The following MYO5A variants were observed in gnomAD, a reference collection of about 807,000 sequenced individuals.
The protein encoded by MYO5A is unconventional myosin-Va.
Under a neutral mutation model 249.7 loss-of-function variants are expected in MYO5A, and 98 were observed. The observed-to-expected ratio is 0.39, with a 90% CI of 0.33 to 0.46. The LOEUF is 0.46. MYO5A is among the 20% of genes least tolerant of loss of function. MYO5A has a pLI of 0.98. For synonymous variants in MYO5A, 778 were observed against 810.6 expected (o/e 0.96, Z 0.68); for missense variants, 1,696 against 2,308.8 (o/e 0.73, Z 5.44).
chr15:52,390,557 TTTC>T, intron 12 of MYO5A, among the ~76,000 whole-genome samples: 1 of 149,594 alleles, frequency 6.7e-6, no homozygotes. Flanking sequence ...TCTTTTTTTT[TTTC>T]TTTTTTTTTT....
At chr15:52,425,179 T>A (rs894839765) in intron 4 of MYO5A, among the ~76,000 whole-genome samples, 1 of 152,216 alleles carries the variant, frequency 6.6e-6, no homozygotes, top group Non-Finnish European at 1.5e-5. Flanking sequence ...TTAGTTCTAG[T>A]CTATTACTCA....
chr15:52,400,506 T>C (rs944139941), intron 9 of MYO5A, among the ~76,000 whole-genome samples: 1 of 152,234 alleles, frequency 6.6e-6, no homozygotes. Context: ...AAATAATTAA[T>C]TTTTATGGTC....
chr15:52,518,072 A>G (rs1189482457), intron 1 of MYO5A, among the ~76,000 whole-genome samples: 1 of 152,158 alleles, frequency 6.6e-6, no homozygotes, highest in Non-Finnish European at 1.5e-5. Context: ...TTGAAGGCTT[A>G]TCATCTAGTT....
chr15:52,384,821 C>T (rs552592917), intron 14 of MYO5A, among the ~76,000 whole-genome samples: 9 of 152,010 alleles, frequency 5.9e-5, no homozygotes, highest in Admixed American at 1.3e-4. Context: ...AAAACATCAC[C>T]GAAAATCTCA....
At chr15:52,357,312 T>C (rs776338393) in intron 25 of MYO5A, among the ~76,000 whole-genome samples, 13 of 152,124 alleles carry the variant, frequency 8.5e-5, no homozygotes, top group Non-Finnish European at 1.8e-4. Flanking sequence ...AACCTTTCAT[T>C]CTAGAAATGA....
At chr15:52,336,838 T>C (rs2039143683) in intron 33 of MYO5A, among the ~76,000 whole-genome samples, 2 of 152,246 alleles carry the variant, frequency 1.3e-5, no homozygotes, top group African/African-American at 2.4e-5. Context: ...ATCAACTGAA[T>C]GCTTTGTAGA....
chr15:52,462,256 A>T (rs2076267416), intron 1 of MYO5A, among the ~76,000 whole-genome samples: 1 of 147,294 alleles, frequency 6.8e-6, no homozygotes, highest in Admixed American at 6.9e-5. Flanking sequence ...ACAGAGCGAG[A>T]CTCTGTCTCA....
At chr15:52,462,278 A>C (rs1567149342) in intron 1 of MYO5A, among the ~76,000 whole-genome samples, 2 of 149,938 alleles carry the variant, frequency 1.3e-5, no homozygotes, top group Non-Finnish European at 3.0e-5. Context: ...AAAAAAAAAA[A>C]AGGTTTGATC....
rs565879033 is a variant in MYO5A at position 52,423,659 on chromosome 15, G to A, written c.455+2171C>T. ...ATTTTACTGCTGTGGCAGATGTTAT[G>A]GGTATAGATTTATTTATATAAATGG... On this transcript the variant is annotated intron_variant, in intron 4 of 41. Coordinates refer to ENST00000399233, the MANE Select transcript of MYO5A (RefSeq NM_001382347.1). Among the ~76,000 whole-genome samples the A allele has an allele frequency of 3.5e-4, 53 of 152,198 alleles. 2 individuals carry two copies. In the South Asian group the frequency reaches 9.5e-3, roughly 27 times the overall value.
At chr15:52,413,959 A>G (rs914526915) in intron 5 of MYO5A, among the ~76,000 whole-genome samples, 1 of 152,150 alleles carries the variant, frequency 6.6e-6, no homozygotes, top group Non-Finnish European at 1.5e-5. Flanking sequence ...TGTGGTTTGG[A>G]TATAACGTGT....
chr15:52,422,610 T>C (rs558744210), intron 4 of MYO5A, among the ~76,000 whole-genome samples: 2 of 152,350 alleles, frequency 1.3e-5, no homozygotes, highest in Admixed American at 6.5e-5. Flanking sequence ...CCTCCACTAA[T>C]TAAATGATCA....
At chr15:52,460,009 G>T in intron 1 of MYO5A, among the ~76,000 whole-genome samples, 1 of 152,056 alleles carries the variant, frequency 6.6e-6, no homozygotes, top group African/African-American at 2.4e-5. Flanking sequence ...TTCCCAGACG[G>T]GGTCGCGGCC....
intron 1 of MYO5A, among the ~76,000 whole-genome samples, chr15:52,460,207 C>T (rs1298812701): frequency 1.3e-5 from 2 of 152,086 alleles, no homozygotes; most frequent in African/African-American, 2.4e-5. Flanking sequence ...AGACGATGGG[C>T]GGCCAGGCCG....
chr15:52,435,447 T>G (rs1411709547), intron 1 of MYO5A, among the ~76,000 whole-genome samples: 1 of 151,950 alleles, frequency 6.6e-6, no homozygotes, highest in Non-Finnish European at 1.5e-5. Flanking sequence ...CAGCTAATTT[T>G]TTTCTATTTT....
intron 1 of MYO5A, among the ~76,000 whole-genome samples, chr15:52,527,819 T>G (rs576145757): frequency 2.3e-4 from 35 of 152,320 alleles, no homozygotes; most frequent in African/African-American, 8.4e-4. Flanking sequence ...GGACCCTAAA[T>G]GAAAGTTCTG....
intron 27 of MYO5A, among the ~76,000 whole-genome samples, chr15:52,353,370 C>T (rs1392586607): frequency 1.3e-5 from 2 of 152,198 alleles, no homozygotes; most frequent in Non-Finnish European, 2.9e-5. Context: ...CCTTTACTAC[C>T]ACAGCCTCGA....
At position 52,337,806 on chromosome 15, in the gene MYO5A, A is replaced by G. The variant is rs1381996853; in HGVS notation, c.4314+4T>C. 22 of 1,533,152 alleles carry G rather than the reference A, an allele frequency of 1.4e-5. No homozygotes were observed. The highest frequency in any genetic ancestry group is 1.9e-5 in the Non-Finnish European group (22 of 1,132,742). The allele number at this position is 1,533,152 out of a possible 1,614,324, so 95.0% of individuals were successfully genotyped here. A position where few individuals can be genotyped will look rare whatever the true frequency, so the allele number is the denominator to read the frequency against. On this transcript the variant is annotated splice_donor_region_variant and intron_variant, in intron 33 of 41. Coordinates refer to ENST00000399233, the MANE Select transcript of MYO5A (RefSeq NM_001382347.1). ...CAGCAGAAAAGCACTATGGTTTTAC[A>G]TACAATCATCCGTTTGTAAAGGGAA...
At chr15:52,345,038 A>G (rs1042655003) in intron 30 of MYO5A, among the ~76,000 whole-genome samples, 14 of 152,248 alleles carry the variant, frequency 9.2e-5, no homozygotes, top group African/African-American at 3.4e-4. Context: ...ACCCTTGTCC[A>G]TAAAAGAAGA....
At chr15:52,528,655 C>T (rs2077768496) in intron 1 of MYO5A, 125 bp downstream of exon 1, 2 of 1,130,660 alleles carry the variant, frequency 1.8e-6, no homozygotes, top group Non-Finnish European at 1.2e-6. Flanking sequence ...GGTTCTGAGG[C>T]GCTGAAGGGG....
Sources: allele counts gnomAD v4.1 joint callset (sites outside exome capture counted in the v4.1 genomes callset), GRCh38; gene constraint gnomAD v4.1.1; transcripts MANE v1.5; gene names NCBI Gene and HGNC (gene_info 2026-07-23, HGNC 2026-07-21).